The following ZNF66 variants were observed in gnomAD, a reference collection of about 807,000 sequenced individuals.
ZNF66 encodes putative zinc finger protein 66.
A neutral mutation model predicts 35.2 loss-of-function variants in ZNF66; 32 were observed. The ratio of observed to expected loss-of-function variants is 0.91; its 90% CI spans 0.69 to 1.22. The LOEUF is 1.22. Ranked by LOEUF, ZNF66 falls within the 50% of genes most tolerant of loss-of-function variation. The probability of loss-of-function intolerance (pLI) is 0.00; values close to 1 mark genes in which losing one functional copy is unlikely to be tolerated. For synonymous variants in ZNF66, 231 were observed against 181.3 expected (o/e 1.27, Z -2.20); for missense variants, 666 against 543.1 (o/e 1.23, Z -2.25).
intron 1 of ZNF66, among the ~76,000 whole-genome samples, chr19:20,779,220 AAT>A (rs1971223240): frequency 6.6e-6 from 1 of 152,248 alleles, no homozygotes; most frequent in South Asian, 2.1e-4. Flanking sequence ...GTAAAAAAAA[AAT>A]GAATTCCAAA....
At chr19:20,805,184 G>A (rs1328652381) in intron 3 of ZNF66, among the ~76,000 whole-genome samples, 4 of 151,112 alleles carry the variant, frequency 2.6e-5, no homozygotes, top group Non-Finnish European at 5.9e-5. Context: ...TAGTTCAGAG[G>A]CATGATCTTG....
At chr19:20,779,881 T>C (rs1971230106) in intron 1 of ZNF66, among the ~76,000 whole-genome samples, 1 of 150,614 alleles carries the variant, frequency 6.6e-6, no homozygotes, top group Non-Finnish European at 1.5e-5. Context: ...TGAGCTGAGA[T>C]TGCACCAGTG....
At chr19:20,795,330 G>A (rs1971381472) in intron 3 of ZNF66, among the ~76,000 whole-genome samples, 1 of 151,746 alleles carries the variant, frequency 6.6e-6, no homozygotes, top group African/African-American at 2.4e-5. Context: ...GATTTTAGAA[G>A]CATTTCCTTA....
intron 1 of ZNF66, among the ~76,000 whole-genome samples, chr19:20,791,975 A>G (rs1482722696): frequency 1.3e-5 from 2 of 151,754 alleles, no homozygotes; most frequent in East Asian, 3.9e-4. Flanking sequence ...TAAGGCTCTT[A>G]TCTTTGTTTA....
At position 20,794,928 on chromosome 19, in the gene ZNF66, A is replaced by C. The variant is rs28593054; in HGVS notation, c.226+1050A>C. ...CTCTTTTTGCCCAGGCTAAAGTGCA[A>C]TGGTGTGATTTTGACTCACTGCAAC... is the stretch of plus-strand genomic sequence containing the variant. On this transcript the variant is annotated intron_variant, in intron 3 of 3. Transcript: ENST00000344519. Among the ~76,000 whole-genome samples, 3 of 148,604 alleles carry C rather than the reference A, an allele frequency of 2.0e-5. No individual in the cohort carries two copies. In the South Asian group the frequency reaches 6.3e-4, roughly 31 times the overall value.
chr19:20,788,083 C>T (rs1456599066), intron 1 of ZNF66, among the ~76,000 whole-genome samples: 1 of 152,170 alleles, frequency 6.6e-6, no homozygotes, highest in Non-Finnish European at 1.5e-5. Flanking sequence ...TTCATCCCCT[C>T]ATACAAGAGG....
intron 1 of ZNF66, among the ~76,000 whole-genome samples, chr19:20,778,384 G>A (rs1971214978): frequency 6.6e-6 from 1 of 152,200 alleles, no homozygotes; most frequent in South Asian, 2.1e-4. Flanking sequence ...AGAGGCGTGA[G>A]CCACAGTGCC....
intron 2 of ZNF66, among the ~76,000 whole-genome samples, chr19:20,793,067 A>G (rs959318298): frequency 1.3e-5 from 2 of 149,242 alleles, no homozygotes; most frequent in Non-Finnish European, 3.0e-5. Context: ...ATTCTGTCTC[A>G]AGGAAGAAAA....
chr19:20,799,213 C>T (rs1971425740), intron 3 of ZNF66: 1 of 151,874 alleles, frequency 6.6e-6, no homozygotes, highest in Non-Finnish European at 1.5e-5. Flanking sequence ...AGGTGCACGT[C>T]ACATCGCCAA....
chr19:20,803,311 CT>C (rs71174750), intron 3 of ZNF66, among the ~76,000 whole-genome samples: 6 of 131,540 alleles, frequency 4.6e-5, no homozygotes, highest in African/African-American at 1.4e-4. Context: ...CTCTTTCTGT[CT>C]TTTTTTTTTA....
At chr19:20,803,308 TGTC>T (rs796170409) in intron 3 of ZNF66, among the ~76,000 whole-genome samples, 3 of 102,114 alleles carry the variant, frequency 2.9e-5, no homozygotes, top group Non-Finnish European at 7.0e-5. Flanking sequence ...TTTCTCTTTC[TGTC>T]TTTTTTTTTT....
chr19:20,797,772 C>T (rs1352124988), intron 3 of ZNF66, among the ~76,000 whole-genome samples: 1 of 152,054 alleles, frequency 6.6e-6, no homozygotes, highest in East Asian at 1.9e-4. Context: ...CCATATTGGC[C>T]AGTCTGGTCT....
intron 2 of ZNF66, among the ~76,000 whole-genome samples, chr19:20,793,143 A>T (rs1971354878): frequency 6.6e-6 from 1 of 151,750 alleles, no homozygotes; most frequent in Admixed American, 6.6e-5. Flanking sequence ...CACATTTCTG[A>T]GGTGAGTTAT....
intron 3 of ZNF66, among the ~76,000 whole-genome samples, chr19:20,796,670 A>C (rs1463177674): frequency 6.6e-6 from 1 of 152,166 alleles, no homozygotes; most frequent in Non-Finnish European, 1.5e-5. Flanking sequence ...CATATATTTA[A>C]AACATTAAAA....
rs200286553 is a variant in ZNF66 at position 20,793,660 on chromosome 19, C to G, written c.131-123C>G. 2.7e-5 allele frequency: 12 copies of G among 445,390 alleles called. 1 individual carries two copies. In the East Asian group the frequency reaches 4.0e-4, roughly 15 times the overall value. 27.6% of individuals were successfully genotyped at this position (445,390 alleles called of 1,614,324 possible). A position where few individuals can be genotyped will look rare whatever the true frequency, so the allele number is the denominator to read the frequency against. ...TCTAAATATTTAGAAATCTCTGTTACAAATTTGTATTTTGTTATTAATTTA... is the reference window on the plus strand; with the variant it reads ...TCTAAATATTTAGAAATCTCTGTTAGAAATTTGTATTTTGTTATTAATTTA... On this transcript the variant is annotated intron_variant, in intron 2 of 3. Transcript: ENST00000344519.
chr19:20,786,065 G>T (rs144446276), intron 1 of ZNF66, among the ~76,000 whole-genome samples: 6 of 152,150 alleles, frequency 3.9e-5, no homozygotes, highest in Non-Finnish European at 7.4e-5. Context: ...ACTACTCCCA[G>T]CCCAATTTTT....
At chr19:20,798,580 T>G (rs544127865) in intron 3 of ZNF66, among the ~76,000 whole-genome samples, 5 of 152,306 alleles carry the variant, frequency 3.3e-5, no homozygotes, top group African/African-American at 9.6e-5. Flanking sequence ...GCTGTTCATT[T>G]CAGGCATGTT....
Position 20,785,949 on chromosome 19 carries a change from A to G in ZNF66, c.4-6563A>G, listed in dbSNP as rs566439925. On this transcript the variant is annotated intron_variant, in intron 1 of 3. Transcript: ENST00000344519. The stretch of plus-strand genomic sequence containing the variant: ...GCTCATTTTCATGTTGTTAGTAAAG[A>G]TGGGGTTTCACTGTGTTGGCTAAGC... Among the ~76,000 whole-genome samples, 7 of 152,092 alleles carry G rather than the reference A, an allele frequency of 4.6e-5. No homozygotes were observed. In the East Asian group the frequency reaches 1.2e-3, roughly 25 times the overall value.
Position 20,797,457 on chromosome 19 carries a change from C to T in ZNF66, c.226+3579C>T, listed in dbSNP as rs1262059863. On this transcript the variant is annotated intron_variant, in intron 3 of 3. Transcript: ENST00000344519. ...TCCTGACCTCGTGATCCGCCCGCCT[C>T]GGCCTCCCAAAGTGCTGGGATTACA... Among the ~76,000 whole-genome samples, 4 of 149,832 alleles carry T rather than the reference C, an allele frequency of 2.7e-5. 1 individual carries two copies. Among genetic ancestry groups the T allele is most frequent in the Non-Finnish European group, 4.4e-5 (3 of 67,426 alleles).
Sources: allele counts gnomAD v4.1 joint callset (sites outside exome capture counted in the v4.1 genomes callset), GRCh38; gene constraint gnomAD v4.1.1; transcripts MANE v1.5; gene names NCBI Gene and HGNC (gene_info 2026-07-23, HGNC 2026-07-21).